The following TENM4 variants were observed in gnomAD, a reference collection of about 807,000 sequenced individuals.
The protein encoded by TENM4 is teneurin-4.
A neutral mutation model predicts 243.3 loss-of-function variants in TENM4; 82 were observed. The ratio of observed to expected loss-of-function variants is 0.34; its 90% CI spans 0.28 to 0.40. TENM4 has a LOEUF of 0.40. Among genes scored for constraint, TENM4 ranks in the 10% least tolerant of loss-of-function variants. The pLI, the probability that TENM4 is intolerant of heterozygous loss-of-function variation, is 1.00. For missense variants in TENM4, 3,138 were observed against 3,673.3 expected, an observed-to-expected ratio of 0.85 and a Z score of 3.77; for synonymous variants, 1,412 against 1,456.3, an observed-to-expected ratio of 0.97 and a Z score of 0.69.
chr11:78,793,837 A>G (rs1311182657), intron 15 of TENM4, among the ~76,000 whole-genome samples: 1 of 152,160 alleles, frequency 6.6e-6, no homozygotes, highest in Non-Finnish European at 1.5e-5. Context: ...GATTCACATG[A>G]TTTTTGGCCT....
chr11:78,893,116 C>T (rs990191052), intron 7 of TENM4, among the ~76,000 whole-genome samples: 1 of 152,236 alleles, frequency 6.6e-6, no homozygotes, highest in African/African-American at 2.4e-5. Flanking sequence ...TCTGGGCCAG[C>T]GGCCTGGGTG....
chr11:79,186,587 G>A (rs541575025), intron 3 of TENM4, among the ~76,000 whole-genome samples: 238 of 152,304 alleles, frequency 1.6e-3, no homozygotes, highest in Admixed American at 3.9e-3. Flanking sequence ...GCCAGTTTAC[G>A]GAGAAAAGCA....
intron 1 of TENM4, among the ~76,000 whole-genome samples, chr11:79,321,628 G>T: frequency 9.2e-6 from 1 of 108,624 alleles, no homozygotes; most frequent in South Asian, 3.2e-4. Flanking sequence ...TTCTGCACAA[G>T]CAGGAAATTA....
chr11:78,993,213 G>T (rs115086448), intron 6 of TENM4, among the ~76,000 whole-genome samples: 1,620 of 152,284 alleles, frequency 0.011, 36 homozygotes, highest in African/African-American at 0.037. Context: ...AGTCAAAGGG[G>T]AGTTGAGGAA....
chr11:78,976,246 C>T (rs1248491612), intron 6 of TENM4, among the ~76,000 whole-genome samples: 1 of 152,176 alleles, frequency 6.6e-6, no homozygotes, highest in Non-Finnish European at 1.5e-5. Flanking sequence ...ACAGCTAAAG[C>T]TCCTTCCATA....
intron 1 of TENM4, among the ~76,000 whole-genome samples, chr11:79,356,281 A>G (rs1339359312): frequency 6.6e-6 from 1 of 152,246 alleles, no homozygotes; most frequent in Admixed American, 6.5e-5. Flanking sequence ...CTAGTTGGGT[A>G]GCCTTAGGCA....
intron 1 of TENM4, among the ~76,000 whole-genome samples, chr11:79,357,604 T>C (rs768537432): frequency 1.6e-4 from 25 of 152,238 alleles, no homozygotes; most frequent in African/African-American, 2.2e-4. Flanking sequence ...CCATTGACTT[T>C]GCAGTTCTCA....
chr11:78,927,371 G>T lies in TENM4; in HGVS notation c.494-23848C>A, dbSNP rs564234571. On this transcript the variant is annotated intron_variant, in intron 6 of 33. Coordinates refer to ENST00000278550, the MANE Select transcript of TENM4 (RefSeq NM_001098816.3). ...ACAAAATTTGTAAGGAAAGTAGCTG[G>T]CTCTACTCCACCTCTTCTCTCATTT... is the stretch of plus-strand genomic sequence containing the variant. Among the ~76,000 whole-genome samples, 19 of 152,272 alleles carry T rather than the reference G, an allele frequency of 1.2e-4. No individual in the cohort carries two copies. The South Asian group carries it at 3.7e-3, about 30-fold the overall frequency.
At chr11:79,384,062 T>C (rs7951790) in intron 1 of TENM4, among the ~76,000 whole-genome samples, 81,271 of 151,470 alleles carry the variant, frequency 0.54, 21,719 homozygotes, top group Non-Finnish European at 0.55. Context: ...GCCAGCCAAA[T>C]AGCCAGCCAG....
intron 4 of TENM4, among the ~76,000 whole-genome samples, chr11:79,101,128 A>G (rs531579483): frequency 6.6e-6 from 1 of 152,228 alleles, no homozygotes; most frequent in East Asian, 1.9e-4. Context: ...CAAAGGTGGC[A>G]TCATGTTCTG....
intron 1 of TENM4, among the ~76,000 whole-genome samples, chr11:79,405,479 T>TAAA (rs61042277): frequency 2.3e-5 from 3 of 132,678 alleles, no homozygotes; most frequent in African/African-American, 5.5e-5. Context: ...GCTTAGAATG[T>TAAA]AAAAAAAAAA....
intron 24 of TENM4, among the ~76,000 whole-genome samples, chr11:78,721,797 G>C (rs117963223): frequency 6.6e-6 from 1 of 152,260 alleles, no homozygotes; most frequent in Non-Finnish European, 1.5e-5. Flanking sequence ...TTCCCTAAAG[G>C]AGTTGGGAGG....
chr11:78,906,330 C>G (rs977062319), intron 6 of TENM4, among the ~76,000 whole-genome samples: 2 of 152,180 alleles, frequency 1.3e-5, no homozygotes, highest in African/African-American at 4.8e-5. Context: ...AACCATGGTG[C>G]CTTTGCATAA....
intron 6 of TENM4, among the ~76,000 whole-genome samples, chr11:78,943,806 A>T (rs1045876562): frequency 6.6e-6 from 1 of 152,348 alleles, no homozygotes; most frequent in South Asian, 2.1e-4. Context: ...AGTTTTCTCC[A>T]TCTCCTATTC....
At chr11:79,319,920 T>G (rs989037683) in intron 1 of TENM4, among the ~76,000 whole-genome samples, 7 of 152,092 alleles carry the variant, frequency 4.6e-5, no homozygotes, top group African/African-American at 1.7e-4. Flanking sequence ...GGCTTGTAGT[T>G]GGTTGACAAG....
chr11:79,059,492 G>T (rs1373430174), intron 6 of TENM4, among the ~76,000 whole-genome samples: 1 of 152,174 alleles, frequency 6.6e-6, no homozygotes, highest in Non-Finnish European at 1.5e-5. Flanking sequence ...GTGAATTAAG[G>T]CCCAACACAG....
chr11:78,790,839 T>G (rs975289199), intron 15 of TENM4, among the ~76,000 whole-genome samples: 1 of 152,170 alleles, frequency 6.6e-6, no homozygotes, highest in African/African-American at 2.4e-5. Context: ...AGTCAGACCC[T>G]GATATATGTG....
chr11:78,899,405 C>G (rs572719615), intron 7 of TENM4, among the ~76,000 whole-genome samples: 1 of 151,984 alleles, frequency 6.6e-6, no homozygotes, highest in East Asian at 1.9e-4. Flanking sequence ...CCATCCTGAT[C>G]TCTACAAAAA....
intron 6 of TENM4, among the ~76,000 whole-genome samples, chr11:78,998,678 T>C (rs1365876033): frequency 6.6e-6 from 1 of 151,874 alleles, no homozygotes; most frequent in Non-Finnish European, 1.5e-5. Context: ...GCTATGAGGA[T>C]TGGCAACTTG....
Sources: gnomAD v4.1 joint callset for allele counts (sites outside exome capture counted in the v4.1 genomes callset) on GRCh38, gnomAD v4.1.1 for gene constraint, MANE v1.5 for transcripts, NCBI Gene and HGNC (gene_info 2026-07-23, HGNC 2026-07-21) for gene names.